Variants in BUD13 observed in about 807,000 individuals in gnomAD.
BUD13 encodes BUD13 homolog.
In BUD13, 47 loss-of-function variants were observed where a neutral mutation model predicts 62.5. The ratio of observed to expected loss-of-function variants is 0.75; its 90% CI spans 0.60 to 0.96. BUD13 has a LOEUF of 0.96. Among genes scored for constraint, BUD13 ranks in the 40% least tolerant of loss-of-function variants. The pLI is 0.00. For synonymous variants in BUD13, 293 were observed against 280.1 expected, an observed-to-expected ratio of 1.05 and a Z score of -0.46; for missense variants, 821 against 790.9, an observed-to-expected ratio of 1.04 and a Z score of -0.46.
At position 116,760,845 on chromosome 11, in the gene BUD13, T is replaced by C. The variant is rs148467711; in HGVS notation, c.1144A>G (p.Arg382Gly). The change falls in exon 5 of 10, where the codon AGA becomes GGA. Residue 382 changes from arginine to glycine, a missense_variant. This residue lies in a region of BUD13 where 800 missense variants were observed against 739.2 expected (regional missense o/e 1.08). Coordinates refer to ENST00000260210, the MANE Select transcript of BUD13 (RefSeq NM_032725.4). The part of the protein sequence containing the change: ...SDLSPPRNRP[R>G]HRSSDSDLSP... ...AGGTCAGAATCAGAGCTCCGGTGTC[T>C]AGGTCTATTCCGTGGAGGTGACAGA... 1.2e-6 allele frequency: 2 copies of C among 1,614,152 alleles called. No individual in the cohort carries two copies. The highest frequency in any genetic ancestry group is 1.7e-6 in the Non-Finnish European group (2 of 1,180,012).
intron 4 of BUD13, 74 bp downstream of exon 4, chr11:116,762,479 A>T: frequency 7.9e-7 from 1 of 1,270,150 alleles, no homozygotes; most frequent in Non-Finnish European, 1.1e-6. Flanking sequence ...CTTATACCTA[A>T]TAAATCAACT....
At chr11:116,752,137 G>A (rs753675016) in intron 9 of BUD13, among the ~76,000 whole-genome samples, 4 of 152,030 alleles carry the variant, frequency 2.6e-5, no homozygotes, top group Non-Finnish European at 4.4e-5. Context: ...TAGTAGAGAC[G>A]AGGTTTCACC....
chr11:116,757,959 A>AAAGGAACT lies in BUD13; in HGVS notation c.1500-10_1500-9insAGTTCCTT. 6.2e-7 allele frequency: 1 copy of AAAGGAACT among 1,613,184 alleles called. No individual in the cohort carries two copies. The highest frequency in any genetic ancestry group is 8.5e-7 in the Non-Finnish European group (1 of 1,179,908). On this transcript the variant is annotated splice_polypyrimidine_tract_variant and intron_variant, in intron 7 of 9. Transcript: ENST00000260210. ...GCCGGCTCTGGGCAAGCCTGGGCAA[A>AAAGGAACT]AAGGAACCAAGAGTGTTTGCTATCC... is the stretch of plus-strand genomic sequence containing the variant.
chr11:116,757,956 CA>C lies in BUD13; in HGVS notation c.1500-7del, dbSNP rs751668861. On this transcript the variant is annotated splice_region_variant and splice_polypyrimidine_tract_variant and intron_variant, in intron 7 of 9. Transcript: ENST00000260210. The stretch of plus-strand genomic sequence containing the variant: ...GTTGCCGGCTCTGGGCAAGCCTGGG[CA>C]AAAAGGAACCAAGAGTGTTTGCTAT... The C allele has an allele frequency of 1.2e-6, 2 of 1,610,690 alleles. No individual in the cohort carries two copies. The highest frequency in any genetic ancestry group is 1.7e-6 in the Non-Finnish European group (2 of 1,179,128).
chr11:116,756,404 C>T (rs1201835464), intron 9 of BUD13, among the ~76,000 whole-genome samples: 2 of 151,568 alleles, frequency 1.3e-5, no homozygotes, highest in Middle Eastern at 3.4e-3. Context: ...CCCAGCTACT[C>T]GGGAGGCTAG....
intron 9 of BUD13, among the ~76,000 whole-genome samples, chr11:116,756,905 C>T (rs565643766): frequency 6.6e-6 from 1 of 152,136 alleles, no homozygotes; most frequent in Non-Finnish European, 1.5e-5. Flanking sequence ...CAAAGGGTGT[C>T]TTATCTGAAC....
intron 2 of BUD13, among the ~76,000 whole-genome samples, chr11:116,767,170 AGT>A (rs1940545572): frequency 6.6e-6 from 1 of 151,540 alleles, no homozygotes; most frequent in South Asian, 2.1e-4. Flanking sequence ...CGTTGGTGAC[AGT>A]GTGAGAATAT....
intron 6 of BUD13, among the ~76,000 whole-genome samples, chr11:116,758,785 T>C (rs890832200): frequency 2.0e-5 from 3 of 151,376 alleles, no homozygotes; most frequent in Non-Finnish European, 4.4e-5. Context: ...AGAGACAGGG[T>C]TTCATCATGT....
At chr11:116,766,416 A>G (rs1437349833) in intron 2 of BUD13, among the ~76,000 whole-genome samples, 1 of 152,244 alleles carries the variant, frequency 6.6e-6, no homozygotes, top group Non-Finnish European at 1.5e-5. Context: ...CCAGGTCATA[A>G]TAGCCCTCTA....
rs959780449 is a variant in BUD13, at chr11:116,763,181, T to C, written c.408A>G (p.Pro136=). The change falls in exon 4 of 10, where the codon CCA becomes CCG. Residue 136 remains proline, a synonymous_variant. Transcript: ENST00000260210. ...SSPRRVRHGT[P]DPSPRKDRHD... Reference sequence around the variant, plus strand: ...GACGGTCCTTCCTAGGAGATGGATCTGGGGTACCATGACGGACCCTCCTAG... The same window carrying C: ...GACGGTCCTTCCTAGGAGATGGATCCGGGGTACCATGACGGACCCTCCTAG... 1.3e-6 allele frequency: 2 copies of C among 1,597,078 alleles called. No homozygotes were observed. The highest frequency in any genetic ancestry group is 1.7e-6 in the Non-Finnish European group (2 of 1,170,636).
Sources: gnomAD v4.1 joint callset for allele counts (sites outside exome capture counted in the v4.1 genomes callset) on GRCh38, gnomAD v4.1.1 for gene constraint, gnomAD v4.1.1 regional missense constraint, MANE v1.5 for transcripts, NCBI Gene and HGNC (gene_info 2026-07-23, HGNC 2026-07-21) for gene names.